The following RAD51B variants were observed in gnomAD, a reference collection of about 807,000 sequenced individuals.
The protein encoded by RAD51B is RAD51 paralog B, also known as DNA repair protein RAD51 homolog 2.
Under a neutral mutation model 42.2 loss-of-function variants are expected in RAD51B, and 38 were observed. That is an observed-to-expected ratio of 0.90 (90% CI 0.70 to 1.18). The LOEUF (loss-of-function observed/expected upper bound fraction) is 1.18, where lower values mean the gene tolerates loss of function less well. RAD51B is among the 50% of genes most tolerant of loss of function. The pLI, the probability that RAD51B is intolerant of heterozygous loss-of-function variation, is 0.00. For missense variants in RAD51B, 373 were observed against 400.7 expected, an observed-to-expected ratio of 0.93 and a Z score of 0.59; for synonymous variants, 154 against 145.2, an observed-to-expected ratio of 1.06 and a Z score of -0.43.
At chr14:68,057,209 C>T (rs186804147) in intron 7 of RAD51B, among the ~76,000 whole-genome samples, 420 of 151,408 alleles carry the variant, frequency 2.8e-3, no homozygotes, top group Non-Finnish European at 4.3e-3. Context: ...TTATGGCAAA[C>T]GAGGTGATTA....
intron 9 of RAD51B, among the ~76,000 whole-genome samples, chr14:68,442,435 C>CTGTTT (rs2085320940): frequency 1.5e-5 from 1 of 68,406 alleles, no homozygotes; most frequent in Non-Finnish European, 2.6e-5. Context: ...AGGCATTGTG[C>CTGTTT]TTTTTTTTTT....
At chr14:68,091,634 C>G (rs1420753306) in intron 7 of RAD51B, among the ~76,000 whole-genome samples, 1 of 152,158 alleles carries the variant, frequency 6.6e-6, no homozygotes, top group Non-Finnish European at 1.5e-5. Flanking sequence ...AAAATTGTCT[C>G]CCATTCTGTG....
chr14:68,635,822 T>C (rs1042136022), intron 10 of RAD51B, among the ~76,000 whole-genome samples: 1 of 152,176 alleles, frequency 6.6e-6, no homozygotes, highest in Non-Finnish European at 1.5e-5. Context: ...ATGGGCATAG[T>C]TGAGCTGGCT....
chr14:68,253,127 C>A (rs540680825), intron 7 of RAD51B, among the ~76,000 whole-genome samples: 1 of 151,040 alleles, frequency 6.6e-6, no homozygotes, highest in South Asian at 2.1e-4. Context: ...TGGTCAAATT[C>A]TCCATTCCAA....
chr14:68,373,830 C>T (rs2083309073), intron 8 of RAD51B, among the ~76,000 whole-genome samples: 1 of 152,078 alleles, frequency 6.6e-6, no homozygotes, highest in Non-Finnish European at 1.5e-5. Flanking sequence ...TCTTTGTTTC[C>T]AAAGCCAGAG....
chr14:67,963,964 A>G (rs2074718462), intron 7 of RAD51B, among the ~76,000 whole-genome samples: 1 of 152,032 alleles, frequency 6.6e-6, no homozygotes, highest in Non-Finnish European at 1.5e-5. Context: ...TTTTATACAT[A>G]GGGAAACCAA....
intron 7 of RAD51B, among the ~76,000 whole-genome samples, chr14:68,249,132 C>T (rs937440431): frequency 1.3e-5 from 2 of 152,182 alleles, no homozygotes; most frequent in African/African-American, 2.4e-5. Context: ...GAAATACTGC[C>T]GTGCAGTCGG....
intron 7 of RAD51B, among the ~76,000 whole-genome samples, chr14:68,132,303 T>A (rs79430029): frequency 0.013 from 2,000 of 152,316 alleles, 49 homozygotes; most frequent in African/African-American, 0.046. Context: ...AAATATATGC[T>A]GTACAGACAA....
intron 7 of RAD51B, among the ~76,000 whole-genome samples, chr14:68,229,131 T>G (rs971044414): frequency 1.3e-5 from 2 of 152,246 alleles, no homozygotes; most frequent in Non-Finnish European, 2.9e-5. Flanking sequence ...GCTTCATATC[T>G]ATGAAAATTC....
At chr14:68,052,724 G>A (rs1451096749) in intron 7 of RAD51B, among the ~76,000 whole-genome samples, 1 of 150,876 alleles carries the variant, frequency 6.6e-6, no homozygotes, top group Non-Finnish European at 1.5e-5. Flanking sequence ...AGGCTCCAGC[G>A]ATCCTCCCAC....
At chr14:68,073,908 T>A (rs115334650) in intron 7 of RAD51B, among the ~76,000 whole-genome samples, 2,427 of 152,298 alleles carry the variant, frequency 0.016, 46 homozygotes, top group African/African-American at 0.044. Flanking sequence ...TAGCCTGATG[T>A]GGTTCCCTTT....
chr14:68,072,068 TAAATATATAA>T (rs1373356616), intron 7 of RAD51B, among the ~76,000 whole-genome samples: 10 of 92,014 alleles, frequency 1.1e-4, no homozygotes, highest in African/African-American at 7.2e-4. Context: ...TATATTTATA[TAAATATATAA>T]ATATATATAA....
intron 8 of RAD51B, among the ~76,000 whole-genome samples, chr14:68,299,662 C>T (rs2081684199): frequency 6.6e-6 from 1 of 152,134 alleles, no homozygotes; most frequent in African/African-American, 2.4e-5. Context: ...GATGAAGGAA[C>T]TGGGGCTTAG....
At chr14:68,627,185 C>T (rs1892104439) in intron 10 of RAD51B, 1 of 152,206 alleles carries the variant, frequency 6.6e-6, no homozygotes, top group Non-Finnish European at 1.5e-5. Flanking sequence ...AATTGTTTAT[C>T]TGCCCTTGCT....
intron 8 of RAD51B, among the ~76,000 whole-genome samples, chr14:68,298,991 G>C (rs1032879164): frequency 6.6e-6 from 1 of 152,036 alleles, no homozygotes; most frequent in Non-Finnish European, 1.5e-5. Flanking sequence ...TCTAGCCCAA[G>C]GAGGGTCCAG....
intron 10 of RAD51B, among the ~76,000 whole-genome samples, chr14:68,557,697 A>G (rs1226008057): frequency 2.0e-5 from 3 of 152,190 alleles, no homozygotes; most frequent in African/African-American, 7.2e-5. Context: ...GTCTGGTCCC[A>G]AGAAACAAAC....
chr14:68,615,127 T>C (rs1021695912), downstream of RAD51B, among the ~76,000 whole-genome samples: 1 of 152,226 alleles, frequency 6.6e-6, no homozygotes, highest in Non-Finnish European at 1.5e-5. Context: ...CGCCTTGGCC[T>C]CCCAAAGTGC....
chr14:68,429,123 A>C lies in RAD51B; in HGVS notation c.957+17596A>C, dbSNP rs181107623. Among the ~76,000 whole-genome samples, 892 of 152,202 alleles carry C rather than the reference A, an allele frequency of 5.9e-3. 7 individuals are homozygous for C. The highest frequency in any genetic ancestry group is 0.02 in the African/African-American group (834 of 41,542). On this transcript the variant is annotated intron_variant, in intron 9 of 10. Transcript: ENST00000471583. ...GGCTGCGTAGTATTCCACGGTGTAT[A>C]TGTGCCACATTTTCTTAATCCAGTC...
chr14:67,881,769 T>C (rs886846884), intron 5 of RAD51B, among the ~76,000 whole-genome samples: 4 of 152,244 alleles, frequency 2.6e-5, no homozygotes, highest in African/African-American at 9.6e-5. Context: ...TTTCTACTTA[T>C]TATTTTAGTG....
Sources: gnomAD v4.1 joint callset for allele counts (sites outside exome capture counted in the v4.1 genomes callset) on GRCh38, gnomAD v4.1.1 for gene constraint, MANE v1.5 for transcripts, NCBI Gene and HGNC (gene_info 2026-07-23, HGNC 2026-07-21) for gene names.